The following ZNF701 variants were observed in gnomAD, a reference collection of about 807,000 sequenced individuals.
ZNF701 encodes the protein zinc finger protein 701.
ZNF701 carries 6 observed loss-of-function variants against 7.1 expected under a neutral mutation model. The observed-to-expected ratio is 0.84, with a 90% CI of 0.46 to 1.66. The LOEUF (loss-of-function observed/expected upper bound fraction) is 1.66, where lower values mean the gene tolerates loss of function less well. ZNF701 is among the 40% of genes most tolerant of loss of function. The pLI is 0.01. For missense variants in ZNF701, 541 were observed against 559.2 expected (o/e 0.97, Z 0.33); for synonymous variants, 166 against 188.2 (o/e 0.88, Z 0.97).
chr19:52,576,560 C>G (rs2059935812), intron 3 of ZNF701, among the ~76,000 whole-genome samples: 1 of 151,950 alleles, frequency 6.6e-6, no homozygotes, highest in African/African-American at 2.4e-5. Flanking sequence ...AAAACAAAAC[C>G]TTATGGCAGA....
chr19:52,582,356 T>C lies in ZNF701; in HGVS notation c.297T>C (p.Phe99=), dbSNP rs1333376798. The C allele has an allele frequency of 1.9e-6, 3 of 1,613,796 alleles. No individual in the cohort carries two copies. Among genetic ancestry groups the C allele is most frequent in the Non-Finnish European group, 1.7e-6 (2 of 1,179,918 alleles). ...AGAAAGATATTCATGACTTTGTGTT[T>C]CAGTGGCAAGAAAATGAAACAAATG... is the stretch of plus-strand genomic sequence containing the variant. ...EIEKDIHDFV[F]QWQENETNGH... Residue 99 remains phenylalanine, a synonymous_variant, in exon 4 of 4, where the codon TTT becomes TTC. Coordinates refer to ENST00000391785, the MANE Select transcript of ZNF701 (RefSeq NM_018260.3).
chr19:52,590,476 G>C (rs1370648862), downstream of ZNF701, among the ~76,000 whole-genome samples: 1 of 152,128 alleles, frequency 6.6e-6, no homozygotes, highest in Non-Finnish European at 1.5e-5. Flanking sequence ...TGTATGTTTA[G>C]CCCTAGGGTT....
the ZNF701 span, among the ~76,000 whole-genome samples, chr19:52,600,116 C>T: frequency 1.3e-5 from 2 of 152,138 alleles, no homozygotes; most frequent in African/African-American, 4.8e-5. Context: ...TGGTCTAAGG[C>T]TTATTTATTA....
downstream of ZNF701, among the ~76,000 whole-genome samples, chr19:52,591,088 T>G (rs2060035052): frequency 6.6e-6 from 1 of 152,086 alleles, no homozygotes; most frequent in African/African-American, 2.4e-5. Context: ...TCCACCCATC[T>G]CGGCCTCCAT....
At chr19:52,590,344 C>T (rs1362788856), downstream of ZNF701, among the ~76,000 whole-genome samples, 7 of 152,116 alleles carry the variant, frequency 4.6e-5, no homozygotes, top group Non-Finnish European at 1.0e-4. Flanking sequence ...TCAGGTGATC[C>T]ACCCACCTCG....
chr19:52,573,389 A>G (rs1323790860), intron 1 of ZNF701, among the ~76,000 whole-genome samples: 3 of 152,244 alleles, frequency 2.0e-5, no homozygotes, highest in East Asian at 3.9e-4. Context: ...ACCAATGCCC[A>G]CCAAGCCCAG....
rs1055266933 is a variant in ZNF701 at position 52,576,003 on chromosome 19, A to G, written c.124A>G (p.Arg42Gly). ...CAGAGACGTGATGCTGGAGAATTAT[A>G]GGAACCTGGTCTCCCTGGGTGAGGA... is the stretch of plus-strand genomic sequence containing the variant. ...LYRDVMLENYRNLVSLDTSSK... is the reference protein window; with the variant it reads ...LYRDVMLENYGNLVSLDTSSK... The change falls in exon 3 of 4, where the codon AGG (arginine) becomes GGG (glycine). Residue 42 changes from arginine to glycine, a missense_variant. By Grantham distance (125) the Arg-to-Gly change is moderately radical. Coordinates refer to ENST00000391785, the MANE Select transcript of ZNF701 (RefSeq NM_018260.3). The G allele has an allele frequency of 8.9e-6, 14 of 1,579,894 alleles. No individual in the cohort carries two copies. The highest frequency in any genetic ancestry group is 1.1e-5 in the Non-Finnish European group (13 of 1,170,296).
chr19:52,571,576 T>A (rs2059900235), intron 1 of ZNF701, among the ~76,000 whole-genome samples: 1 of 152,040 alleles, frequency 6.6e-6, no homozygotes, highest in Admixed American at 6.6e-5. Context: ...GCCAGGCTGG[T>A]CTCGAACTCC....
At chr19:52,576,159 G>A (rs1410070381) in intron 3 of ZNF701, 138 bp downstream of exon 3, 3 of 1,541,978 alleles carry the variant, frequency 1.9e-6, no homozygotes, top group Non-Finnish European at 2.6e-6. Flanking sequence ...GCTTCATGAT[G>A]TAGCATCTGG....
intron 1 of ZNF701, chr19:52,572,618 C>T (rs746730233): frequency 3.4e-5 from 12 of 348,846 alleles, no homozygotes; most frequent in Non-Finnish European, 2.2e-5. Context: ...ACCTTCTCAG[C>T]GTGACTCGGT....
In ZNF701 at chr19:52,583,357, C is replaced by A. The variant is rs1440523428; in HGVS notation, c.1298C>A (p.Thr433Asn). Residue 433 changes from threonine (T) to asparagine (N), a missense_variant, in exon 4 of 4, where the codon ACT (threonine) becomes AAT (asparagine). By Grantham distance (65) the Thr-to-Asn change is moderately conservative (BLOSUM62 0). Transcript: ENST00000391785. The stretch of plus-strand genomic sequence containing the variant: ...CTTGCATGTCATCGTAGACTTCATA[C>A]TGGAGAGAAACCTTACAAGTGTAAT... ...SNLACHRRLH[T>N]GEKPYKCNEC... 1.3e-5 allele frequency: 21 copies of A among 1,607,910 alleles called. No individual in the cohort carries two copies. The highest frequency in any genetic ancestry group is 1.8e-5 in the Non-Finnish European group (21 of 1,174,798).
In ZNF701 at chr19:52,583,935, C is replaced by A. The variant is rs571288579; in HGVS notation, c.*478C>A. 680 of 398,048 alleles carry A rather than the reference C, an allele frequency of 1.7e-3. 15 individuals are homozygous for A. Among genetic ancestry groups the A allele is most frequent in the South Asian group, 0.014 (668 of 49,104 alleles). 24.7% of individuals were successfully genotyped at this position (398,048 alleles called of 1,614,324 possible). A position where few individuals can be genotyped will look rare whatever the true frequency, so the allele number is the denominator to read the frequency against. On this transcript the variant is annotated 3_prime_UTR_variant, in exon 4 of 4. Transcript: ENST00000391785. ...TCATAACTTGCAGTTCATTGGCGAT[C>A]TTATACAGGAGAGAAATCTTACAAA... is the stretch of plus-strand genomic sequence containing the variant.
chr19:52,584,027 A>T lies in ZNF701; in HGVS notation c.*570A>T. The T allele has an allele frequency of 2.2e-6, 1 of 450,706 alleles. No individual in the cohort carries two copies. Among genetic ancestry groups the T allele is most frequent in the Non-Finnish European group, 4.5e-6 (1 of 220,124 alleles). 27.9% of individuals were successfully genotyped at this position (450,706 alleles called of 1,614,324 possible). Reference sequence around the variant, plus strand: ...TGCAAAACGGGAGAATTCATACAGGAGAGAAACCTCACAAGTGTGATGATT... The same window carrying T: ...TGCAAAACGGGAGAATTCATACAGGTGAGAAACCTCACAAGTGTGATGATT... On this transcript the variant is annotated 3_prime_UTR_variant, in exon 4 of 4. Coordinates refer to ENST00000391785, the MANE Select transcript of ZNF701 (RefSeq NM_018260.3).
chr19:52,575,071 A>G (rs1286422386), intron 2 of ZNF701, among the ~76,000 whole-genome samples: 3 of 152,040 alleles, frequency 2.0e-5, no homozygotes, highest in Admixed American at 6.6e-5. Flanking sequence ...CCAGGTTTAC[A>G]CCATTCTCCT....
At chr19:52,576,130 A>G in intron 3 of ZNF701, 109 bp downstream of exon 3, 1 of 1,583,404 alleles carries the variant, frequency 6.3e-7, no homozygotes, top group South Asian at 1.2e-5. Flanking sequence ...TGGAAGCCGT[A>G]TTGAGTTAGA....
In ZNF701 at chr19:52,583,782, A is replaced by G. The variant is rs1230129610; in HGVS notation, c.*325A>G. The G allele has an allele frequency of 4.7e-6, 3 of 633,496 alleles. No individual in the cohort carries two copies. The African/African-American group carries it at 5.4e-5, about 11-fold the overall frequency. 39.2% of individuals were successfully genotyped at this position (633,496 alleles called of 1,614,324 possible). ...CCATCAAGCAATCCATGGTATAGGG[A>G]AACTTGACTAATGTAATGATTGTCA... On this transcript the variant is annotated 3_prime_UTR_variant, in exon 4 of 4. Coordinates refer to ENST00000391785, the MANE Select transcript of ZNF701 (RefSeq NM_018260.3).
intron 3 of ZNF701, among the ~76,000 whole-genome samples, chr19:52,578,253 C>CAAA (rs58385761): frequency 0.025 from 975 of 38,826 alleles, 40 homozygotes; most frequent in African/African-American, 0.053. Context: ...GACTCCGTCT[C>CAAA]AAAAAAAAAA....
intron 2 of ZNF701, among the ~76,000 whole-genome samples, chr19:52,574,586 A>G (rs776599786): frequency 6.6e-6 from 1 of 152,166 alleles, no homozygotes; most frequent in Non-Finnish European, 1.5e-5. Flanking sequence ...AATAAGGGAA[A>G]ATCTTTTCTC....
At chr19:52,578,253 CAAAAAAAAAAAAA>C (rs58385761) in intron 3 of ZNF701, among the ~76,000 whole-genome samples, 2 of 40,930 alleles carry the variant, frequency 4.9e-5, no homozygotes, top group Non-Finnish European at 9.3e-5. Context: ...GACTCCGTCT[CAAAAAAAAAAAAA>C]AAAAAAAAAA....
Sources: allele counts gnomAD v4.1 joint callset (sites outside exome capture counted in the v4.1 genomes callset), GRCh38; gene constraint gnomAD v4.1.1; transcripts MANE v1.5; gene names NCBI Gene and HGNC (gene_info 2026-07-23, HGNC 2026-07-21).